YPEL5: variants seen among roughly 807,000 people sequenced by gnomAD.
YPEL5 encodes the protein protein yippee-like 5.
A neutral mutation model predicts 10.5 loss-of-function variants in YPEL5; 1 was observed. That is an observed-to-expected ratio of 0.10 (90% confidence interval 0.03 to 0.45). YPEL5 has a LOEUF of 0.45. YPEL5 is among the 20% of genes least tolerant of loss of function. The pLI is 0.97. For synonymous variants in YPEL5, 61 were observed against 56.6 expected (o/e 1.08, Z -0.35); for missense variants, 68 against 159.3 (o/e 0.43, Z 3.09).
Position 30,158,771 on chromosome 2 carries a change from C to G in YPEL5, c.294C>G (p.Arg98=). ...ACAGCCAGCGATATAAGGAAGGCCG[C>G]GTGATCCTGGAACGTGCTCTAGTTC... is the stretch of plus-strand genomic sequence containing the variant. The part of the protein sequence containing the change: ...TEDSQRYKEG[R]VILERALVRE... The change falls in exon 3 of 3, where the codon CGC becomes CGG. Residue 98 remains arginine (R), a synonymous_variant. Coordinates refer to ENST00000261353, the MANE Select transcript of YPEL5 (RefSeq NM_016061.3). 1 of 1,614,176 alleles carries G rather than the reference C, an allele frequency of 6.2e-7. No individual in the cohort carries two copies. The highest frequency in any genetic ancestry group is 8.5e-7 in the Non-Finnish European group (1 of 1,180,026).
At position 30,159,437 on chromosome 2, in the gene YPEL5, T is replaced by G. The variant is rs2103524295; in HGVS notation, c.*594T>G. 1 of 153,002 alleles carries G rather than the reference T, an allele frequency of 6.5e-6. No individual in the cohort carries two copies. Among genetic ancestry groups the G allele is most frequent in the East Asian group, 1.9e-4 (1 of 5,182 alleles). The allele number at this position is 153,002 out of a possible 1,614,324, so 9.5% of individuals were successfully genotyped here. On this transcript the variant is annotated 3_prime_UTR_variant, in exon 3 of 3. Transcript: ENST00000261353. The stretch of plus-strand genomic sequence containing the variant: ...CAAAGATGTCACCATTCCTAGTTAT[T>G]TGTCACCACATAATTGGTGTTGATT...
intron 1 of YPEL5, among the ~76,000 whole-genome samples, chr2:30,150,211 T>G (rs1675718472): frequency 1.3e-5 from 2 of 152,246 alleles, no homozygotes. Context: ...TCATATCCTT[T>G]GTGAGCCATG....
rs1353001402 is a variant in YPEL5 at position 30,153,973 on chromosome 2, C to T, written c.-24-2655C>T. Reference sequence around the variant, plus strand: ...TTAGCCAAGGATAAAATGATGTAGGCAGAAGGCATAGGGAAAGTTCACTTT... The same window carrying T: ...TTAGCCAAGGATAAAATGATGTAGGTAGAAGGCATAGGGAAAGTTCACTTT... On this transcript the variant is annotated intron_variant, in intron 1 of 2. Transcript: ENST00000261353. Among the ~76,000 whole-genome samples, 10 of 152,310 alleles carry T rather than the reference C, an allele frequency of 6.6e-5. No homozygotes were observed. The South Asian group carries it at 1.9e-3, about 28-fold the overall frequency.
At chr2:30,147,713 C>T (rs188962590) in intron 1 of YPEL5, 2 of 152,122 alleles carry the variant, frequency 1.3e-5, no homozygotes, top group Admixed American at 1.3e-4. Flanking sequence ...CCCCCGCCCT[C>T]CTGCCCAGAG....
At chr2:30,149,637 G>T (rs1272530098) in intron 1 of YPEL5, among the ~76,000 whole-genome samples, 1 of 152,208 alleles carries the variant, frequency 6.6e-6, no homozygotes, top group Non-Finnish European at 1.5e-5. Context: ...GATTAAAAAC[G>T]AGATAGGAAA....
At chr2:30,149,353 C>A (rs1387617502) in intron 1 of YPEL5, among the ~76,000 whole-genome samples, 1 of 152,196 alleles carries the variant, frequency 6.6e-6, no homozygotes, top group Non-Finnish European at 1.5e-5. Flanking sequence ...TCATTTGACA[C>A]AGCAAAGTAA....
At chr2:30,151,130 C>T (rs908505636) in intron 1 of YPEL5, among the ~76,000 whole-genome samples, 2 of 152,254 alleles carry the variant, frequency 1.3e-5, no homozygotes, top group Non-Finnish European at 1.5e-5. Flanking sequence ...TACCGTATTT[C>T]GCTTGATAGT....
In YPEL5 at chr2:30,159,236, C is replaced by T; in HGVS notation, c.*393C>T. The T allele has an allele frequency of 5.7e-6, 1 of 174,312 alleles. No homozygotes were observed. The highest frequency in any genetic ancestry group is 1.2e-5 in the Non-Finnish European group (1 of 81,742). The allele number at this position is 174,312 out of a possible 1,614,324, so 10.8% of individuals were successfully genotyped here. On this transcript the variant is annotated 3_prime_UTR_variant, in exon 3 of 3. Coordinates refer to ENST00000261353, the MANE Select transcript of YPEL5 (RefSeq NM_016061.3). ...TTTTAAACTTGGGCTTCATTTTAAA[C>T]TTTTTTTTTTAAACCCAGTTATTTC...
chr2:30,156,505 A>G, intron 1 of YPEL5, 123 bp from the exon 2 acceptor site: 1 of 887,414 alleles, frequency 1.1e-6, no homozygotes, highest in Non-Finnish European at 1.7e-6. Context: ...TATTTCACAC[A>G]TCGAGTACTA....
intron 1 of YPEL5, among the ~76,000 whole-genome samples, chr2:30,151,884 A>G (rs76235527): frequency 6.6e-6 from 1 of 152,208 alleles, no homozygotes; most frequent in Non-Finnish European, 1.5e-5. Context: ...GAGATCTGGG[A>G]TTACTCTAAG....
Position 30,158,901 on chromosome 2 carries a change from C to T in YPEL5, c.*58C>T. 1 of 1,508,298 alleles carries T rather than the reference C, an allele frequency of 6.6e-7. No homozygotes were observed. The highest frequency in any genetic ancestry group is 9.2e-7 in the Non-Finnish European group (1 of 1,092,702). 93.4% of individuals were successfully genotyped at this position (1,508,298 alleles called of 1,614,324 possible). On this transcript the variant is annotated 3_prime_UTR_variant, in exon 3 of 3. Transcript: ENST00000261353. ...CTCCTTCACTGAAAACAAAAATCTA[C>T]TTACATACACTGTCACCTTAGCATC...
chr2:30,156,144 G>A (rs1676028619), intron 1 of YPEL5, among the ~76,000 whole-genome samples: 1 of 152,048 alleles, frequency 6.6e-6, no homozygotes, highest in Admixed American at 6.6e-5. Flanking sequence ...CTCACTCTGT[G>A]TTCTCAAACC....
At chr2:30,149,955 T>C (rs1282746661) in intron 1 of YPEL5, among the ~76,000 whole-genome samples, 3 of 152,244 alleles carry the variant, frequency 2.0e-5, no homozygotes, top group Non-Finnish European at 4.4e-5. Flanking sequence ...GAGATGCGAA[T>C]AGATACCTAC....
intron 1 of YPEL5, among the ~76,000 whole-genome samples, chr2:30,153,373 T>C (rs889133435): frequency 2.0e-5 from 3 of 152,208 alleles, no homozygotes; most frequent in Admixed American, 2.0e-4. Context: ...CGTCCTCACA[T>C]GGTGGAAAGG....
intron 1 of YPEL5, among the ~76,000 whole-genome samples, chr2:30,149,608 T>A (rs1358975242): frequency 3.9e-5 from 6 of 152,258 alleles, no homozygotes; most frequent in Non-Finnish European, 7.3e-5. Context: ...TTTTTATCCT[T>A]TGTTTTGGCG....
chr2:30,158,888 A>T lies in YPEL5; in HGVS notation c.*45A>T. The T allele has an allele frequency of 6.3e-7, 1 of 1,595,240 alleles. No homozygotes were observed. The stretch of plus-strand genomic sequence containing the variant: ...TCTTTTCCCAGGTCTCCTTCACTGA[A>T]AACAAAAATCTACTTACATACACTG... On this transcript the variant is annotated 3_prime_UTR_variant, in exon 3 of 3. Transcript: ENST00000261353.
At chr2:30,154,982 G>GC (rs1271187992) in intron 1 of YPEL5, among the ~76,000 whole-genome samples, 1 of 152,068 alleles carries the variant, frequency 6.6e-6, no homozygotes, top group African/African-American at 2.4e-5. Context: ...CAGGTGATCC[G>GC]CCCACCTCAG....
intron 1 of YPEL5, 122 bp downstream of exon 1, chr2:30,147,184 C>G (rs1181567038): frequency 6.6e-6 from 1 of 152,198 alleles, no homozygotes; most frequent in African/African-American, 2.4e-5. Flanking sequence ...GGAAGTGCCT[C>G]TTCCTCGCCG....
intron 1 of YPEL5, among the ~76,000 whole-genome samples, chr2:30,155,158 T>G (rs1354423746): frequency 6.6e-6 from 1 of 152,216 alleles, no homozygotes. Context: ...TTAAATATTA[T>G]AGCTTAAGTC....
Sources: gnomAD v4.1 joint callset for allele counts (sites outside exome capture counted in the v4.1 genomes callset) on GRCh38, gnomAD v4.1.1 for gene constraint, MANE v1.5 for transcripts, NCBI Gene and HGNC (gene_info 2026-07-23, HGNC 2026-07-21) for gene names.